Variants in EFCAB11 observed in about 807,000 individuals in gnomAD.
EFCAB11 encodes EF-hand calcium-binding domain-containing protein 11.
EFCAB11 carries 14 observed loss-of-function variants against 23.0 expected under a neutral mutation model. That is an observed-to-expected ratio of 0.61 (90% confidence interval 0.40 to 0.95). EFCAB11 has a LOEUF of 0.95. EFCAB11 is among the 40% of genes least tolerant of loss of function. EFCAB11 has a pLI of 0.00. For synonymous variants in EFCAB11, 65 were observed against 66.6 expected (o/e 0.98, Z 0.11); for missense variants, 198 against 195.8 (o/e 1.01, Z -0.07).
rs190560672 is a variant in EFCAB11, at chr14:89,918,473, A to T, written c.410+13068T>A. 2.4e-4 allele frequency among the ~76,000 whole-genome samples: 36 copies of T among 151,084 alleles called. No individual in the cohort carries two copies. The East Asian group carries it at 6.9e-3, about 29-fold the overall frequency. On this transcript the variant is annotated intron_variant, in intron 5 of 5. Transcript: ENST00000316738. ...AGAATCGCTTGAACCCAGGAGGTGG[A>T]GGTTGCAGTGAGCCGAGATCACACC...
At chr14:89,890,418 G>A (rs915295016) in intron 5 of EFCAB11, among the ~76,000 whole-genome samples, 1 of 152,102 alleles carries the variant, frequency 6.6e-6, no homozygotes, top group Admixed American at 6.6e-5. Context: ...CTTTAGAAAT[G>A]CATTACTGAT....
intron 5 of EFCAB11, among the ~76,000 whole-genome samples, chr14:89,929,842 C>T (rs1011190069): frequency 6.6e-6 from 1 of 152,192 alleles, no homozygotes; most frequent in African/African-American, 2.4e-5. Flanking sequence ...TCTCATTCAT[C>T]GTTAAAACAT....
intron 5 of EFCAB11, among the ~76,000 whole-genome samples, chr14:89,901,305 A>T (rs1889330354): frequency 6.6e-6 from 1 of 152,224 alleles, no homozygotes; most frequent in African/African-American, 2.4e-5. Context: ...CATTTAGATT[A>T]GATATTTGGC....
At chr14:89,921,598 A>C (rs1361956238) in intron 5 of EFCAB11, among the ~76,000 whole-genome samples, 2 of 152,180 alleles carry the variant, frequency 1.3e-5, no homozygotes, top group Non-Finnish European at 2.9e-5. Flanking sequence ...TGGTCTTTGG[A>C]GAACTCTTTG....
chr14:89,894,717 C>G lies in EFCAB11; in HGVS notation c.410+36824G>C, dbSNP rs192311445. On this transcript the variant is annotated intron_variant, in intron 5 of 5. Coordinates refer to ENST00000316738, the MANE Select transcript of EFCAB11 (RefSeq NM_145231.4). ...AGGATTGGAACGGAAGAAATAATTACTATTTTCCACTGATGTCATTATCTT... is the reference window on the plus strand; with the variant it reads ...AGGATTGGAACGGAAGAAATAATTAGTATTTTCCACTGATGTCATTATCTT... Among the ~76,000 whole-genome samples, 478 of 152,246 alleles carry G rather than the reference C, an allele frequency of 3.1e-3. 1 individual carries two copies. Among genetic ancestry groups the G allele is most frequent in the Admixed American group, 6.3e-3 (96 of 15,294 alleles).
intron 5 of EFCAB11, among the ~76,000 whole-genome samples, chr14:89,810,727 GC>G (rs1886123242): frequency 7.0e-6 from 1 of 143,076 alleles, no homozygotes. Flanking sequence ...CTGCACTCCA[GC>G]CTGGGTGACA....
chr14:89,866,811 A>T (rs1281780391), intron 5 of EFCAB11, among the ~76,000 whole-genome samples: 1 of 136,580 alleles, frequency 7.3e-6, no homozygotes, highest in African/African-American at 3.1e-5. Context: ...TCTTTTTTTT[A>T]TTTTTATTTT....
intron 5 of EFCAB11, among the ~76,000 whole-genome samples, chr14:89,853,719 C>T (rs1386367129): frequency 6.6e-6 from 1 of 152,228 alleles, no homozygotes; most frequent in Non-Finnish European, 1.5e-5. Context: ...AAATATGTCA[C>T]ATCCAATTTC....
intron 5 of EFCAB11, among the ~76,000 whole-genome samples, chr14:89,842,355 G>A (rs947778845): frequency 2.0e-5 from 3 of 152,194 alleles, no homozygotes; most frequent in East Asian, 1.9e-4. Flanking sequence ...TTGGGAGGCC[G>A]AGGCAGGTGG....
chr14:89,827,314 A>T (rs903295991), intron 5 of EFCAB11, among the ~76,000 whole-genome samples: 9 of 152,168 alleles, frequency 5.9e-5, no homozygotes, highest in Non-Finnish European at 8.8e-5. Flanking sequence ...GGAGGACACC[A>T]TAGGAAAACG....
chr14:89,892,445 C>T, intron 5 of EFCAB11: 1 of 1,545,078 alleles, frequency 6.5e-7, no homozygotes, highest in Non-Finnish European at 8.7e-7. Flanking sequence ...CCAGTGTTGA[C>T]TCTAGGAGAG....
chr14:89,929,798 G>A (rs946909748), intron 5 of EFCAB11, among the ~76,000 whole-genome samples: 1 of 152,130 alleles, frequency 6.6e-6, no homozygotes, highest in African/African-American at 2.4e-5. Context: ...TGTTCTCCCT[G>A]TAGCATAGCT....
At chr14:89,906,716 A>G (rs181318228) in intron 5 of EFCAB11, among the ~76,000 whole-genome samples, 1 of 152,158 alleles carries the variant, frequency 6.6e-6, no homozygotes, top group East Asian at 1.9e-4. Context: ...AGAGTATAAC[A>G]TTTTATGGTA....
intron 5 of EFCAB11, among the ~76,000 whole-genome samples, chr14:89,886,533 A>G (rs1888784139): frequency 6.9e-6 from 1 of 144,700 alleles, no homozygotes; most frequent in Non-Finnish European, 1.5e-5. Context: ...AAAAAAAAAA[A>G]AAAAAAAAAA....
chr14:89,894,166 G>A (rs747463739), intron 5 of EFCAB11, among the ~76,000 whole-genome samples: 4 of 151,892 alleles, frequency 2.6e-5, no homozygotes, highest in Non-Finnish European at 5.9e-5. Context: ...TAGCCAGAAC[G>A]GTCTCGATCT....
At chr14:89,853,001 T>A (rs532492785) in intron 5 of EFCAB11, among the ~76,000 whole-genome samples, 1 of 152,300 alleles carries the variant, frequency 6.6e-6, no homozygotes, top group African/African-American at 2.4e-5. Context: ...GGTACCTTAA[T>A]GAGTAATATT....
intron 5 of EFCAB11, among the ~76,000 whole-genome samples, chr14:89,846,100 C>G (rs879435160): frequency 6.6e-6 from 1 of 152,156 alleles, no homozygotes; most frequent in Non-Finnish European, 1.5e-5. Flanking sequence ...ACCTATCTTG[C>G]GGAGTTATAA....
intron 5 of EFCAB11, among the ~76,000 whole-genome samples, chr14:89,811,818 G>T (rs917074179): frequency 2.6e-5 from 4 of 152,166 alleles, no homozygotes; most frequent in Non-Finnish European, 5.9e-5. Flanking sequence ...AATTTGTGTT[G>T]TTTAAAGCCA....
At chr14:89,865,453 G>A (rs888761022) in intron 5 of EFCAB11, among the ~76,000 whole-genome samples, 4 of 152,018 alleles carry the variant, frequency 2.6e-5, no homozygotes, top group Admixed American at 6.6e-5. Context: ...GATGCTATGC[G>A]GGGAGAGAGA....
Sources: allele counts gnomAD v4.1 joint callset (sites outside exome capture counted in the v4.1 genomes callset), GRCh38; gene constraint gnomAD v4.1.1; transcripts MANE v1.5; gene names NCBI Gene and HGNC (gene_info 2026-07-23, HGNC 2026-07-21).